ATG10: variants seen among roughly 807,000 people sequenced by gnomAD.
The protein encoded by ATG10 is ubiquitin-like-conjugating enzyme ATG10.
ATG10 carries 30 observed loss-of-function variants against 32.1 expected under a neutral mutation model. The ratio of observed to expected loss-of-function variants is 0.94; its 90% CI spans 0.70 to 1.27. The LOEUF is 1.27. ATG10 is among the 50% of genes most tolerant of loss of function. The pLI is 0.00. For synonymous variants in ATG10, 87 were observed against 91.5 expected, an observed-to-expected ratio of 0.95 and a Z score of 0.28; for missense variants, 233 against 262.3, an observed-to-expected ratio of 0.89 and a Z score of 0.77.
intron 5 of ATG10, among the ~76,000 whole-genome samples, chr5:82,192,782 T>G (rs1744712432): frequency 6.6e-6 from 1 of 152,234 alleles, no homozygotes; most frequent in Non-Finnish European, 1.5e-5. Flanking sequence ...AATAAAGCAC[T>G]GCTGGTCAAT....
At chr5:82,173,564 T>A (rs912073666) in intron 4 of ATG10, among the ~76,000 whole-genome samples, 5 of 152,234 alleles carry the variant, frequency 3.3e-5, no homozygotes, top group Non-Finnish European at 7.3e-5. Context: ...AAACACTTGT[T>A]ATATAAATGA....
intron 2 of ATG10, among the ~76,000 whole-genome samples, chr5:82,040,156 T>C (rs919077775): frequency 5.3e-5 from 8 of 152,166 alleles, no homozygotes; most frequent in Non-Finnish European, 1.0e-4. Flanking sequence ...TTAGCTGAAG[T>C]AGTCACAGGC....
chr5:82,080,210 G>T (rs554687369), intron 3 of ATG10, among the ~76,000 whole-genome samples: 1 of 151,800 alleles, frequency 6.6e-6, no homozygotes, highest in Non-Finnish European at 1.5e-5. Flanking sequence ...TTTTGATGGG[G>T]TTGTTTTTTT....
chr5:82,029,761 C>T (rs1180484980), intron 2 of ATG10, among the ~76,000 whole-genome samples: 1 of 152,072 alleles, frequency 6.6e-6, no homozygotes, highest in African/African-American at 2.4e-5. Flanking sequence ...TTATATCTCA[C>T]TCATGGGTAT....
chr5:82,224,755 A>G (rs1746054340), intron 5 of ATG10, among the ~76,000 whole-genome samples: 1 of 152,216 alleles, frequency 6.6e-6, no homozygotes, highest in Non-Finnish European at 1.5e-5. Flanking sequence ...GAGGCCAGTG[A>G]AAGTAGATTC....
At chr5:82,109,634 A>C (rs1161565070) in intron 3 of ATG10, among the ~76,000 whole-genome samples, 1 of 151,874 alleles carries the variant, frequency 6.6e-6, no homozygotes, top group Non-Finnish European at 1.5e-5. Context: ...ACTATAAAAA[A>C]TTCAAATGCA....
chr5:82,078,741 A>G (rs1176186635), intron 3 of ATG10: 2 of 152,194 alleles, frequency 1.3e-5, no homozygotes, highest in African/African-American at 4.8e-5. Context: ...GAAAAAAGAA[A>G]CTTTTAATAA....
intron 5 of ATG10, among the ~76,000 whole-genome samples, chr5:82,197,477 TAC>T (rs1744901813): frequency 6.6e-6 from 1 of 151,980 alleles, no homozygotes; most frequent in Non-Finnish European, 1.5e-5. Context: ...CCTACCTACC[TAC>T]CTACCTACCT....
intron 2 of ATG10, among the ~76,000 whole-genome samples, chr5:81,993,629 T>C (rs1479607968): frequency 1.3e-5 from 2 of 151,420 alleles, no homozygotes; most frequent in African/African-American, 2.4e-5. Flanking sequence ...GGTTTCACGA[T>C]GTTGGTCAGG....
At chr5:81,995,977 G>A (rs1254374382) in intron 2 of ATG10, among the ~76,000 whole-genome samples, 1 of 152,194 alleles carries the variant, frequency 6.6e-6, no homozygotes, top group Non-Finnish European at 1.5e-5. Flanking sequence ...AGATTTTGAT[G>A]CAGATCTAGA....
intron 3 of ATG10, chr5:82,073,703 A>G (rs923592372): frequency 6.6e-6 from 1 of 152,188 alleles, no homozygotes; most frequent in Non-Finnish European, 1.5e-5. Context: ...AGTAAAACAC[A>G]TATGTGGTAG....
At chr5:82,042,283 C>G (rs1763107917) in intron 2 of ATG10, among the ~76,000 whole-genome samples, 1 of 152,078 alleles carries the variant, frequency 6.6e-6, no homozygotes, top group South Asian at 2.1e-4. Context: ...GGGGAACTGC[C>G]ACACACTTTT....
At chr5:82,045,213 G>T (rs1004386006) in intron 2 of ATG10, among the ~76,000 whole-genome samples, 1 of 152,042 alleles carries the variant, frequency 6.6e-6, no homozygotes, top group African/African-American at 2.4e-5. Context: ...TGTCTATTTT[G>T]TTATTCTATT....
chr5:82,146,892 A>G (rs964392391), intron 3 of ATG10, among the ~76,000 whole-genome samples: 2 of 152,184 alleles, frequency 1.3e-5, no homozygotes, highest in South Asian at 2.1e-4. Context: ...CAACATCTAG[A>G]TAACCTAGAC....
At chr5:82,040,189 G>A (rs1463446001) in intron 2 of ATG10, among the ~76,000 whole-genome samples, 1 of 152,162 alleles carries the variant, frequency 6.6e-6, no homozygotes, top group Non-Finnish European at 1.5e-5. Context: ...AGGGGGAGGG[G>A]AAATAAAACC....
At chr5:82,101,178 C>G (rs1044347082) in intron 3 of ATG10, among the ~76,000 whole-genome samples, 3 of 152,124 alleles carry the variant, frequency 2.0e-5, no homozygotes, top group South Asian at 4.1e-4. Context: ...GGGTTGTTCT[C>G]TTATATAAAC....
At chr5:81,991,633 A>G (rs1761461607) in intron 2 of ATG10, among the ~76,000 whole-genome samples, 1 of 152,040 alleles carries the variant, frequency 6.6e-6, no homozygotes, top group African/African-American at 2.4e-5. Flanking sequence ...TTCTCTACTA[A>G]AAATACAAAA....
chr5:82,252,418 T>C, intron 5 of ATG10, 144 bp from the exon 6 acceptor site: 1 of 623,900 alleles, frequency 1.6e-6, no homozygotes, highest in Non-Finnish European at 2.8e-6. Context: ...AAATTGTTTT[T>C]AAAAATAGAA....
intron 3 of ATG10, among the ~76,000 whole-genome samples, chr5:82,082,371 C>A (rs1261016042): frequency 6.6e-6 from 1 of 152,120 alleles, no homozygotes; most frequent in Non-Finnish European, 1.5e-5. Context: ...TCAGAAATAC[C>A]TAAACACCTA....
Sources: allele counts gnomAD v4.1 joint callset (sites outside exome capture counted in the v4.1 genomes callset), GRCh38; gene constraint gnomAD v4.1.1; transcripts MANE v1.5; gene names NCBI Gene and HGNC (gene_info 2026-07-23, HGNC 2026-07-21).